GRM2: variants seen among roughly 807,000 people sequenced by gnomAD.
GRM2 encodes the protein metabotropic glutamate receptor 2.
In GRM2, 35 loss-of-function variants were observed where a neutral mutation model predicts 60.4. The ratio of observed to expected loss-of-function variants is 0.58; its 90% CI spans 0.44 to 0.77. The LOEUF (loss-of-function observed/expected upper bound fraction) is 0.77. GRM2 is among the 30% of genes least tolerant of loss of function. GRM2 has a pLI of 0.00. For synonymous variants in GRM2, 437 were observed against 484.1 expected (o/e 0.90, Z 1.28); for missense variants, 925 against 1,199.5 (o/e 0.77, Z 3.38).
At chr3:51,714,982 TC>T in intron 3 of GRM2, 79 bp from the exon 4 acceptor site, 1 of 853,288 alleles carries the variant, frequency 1.2e-6, no homozygotes, top group Non-Finnish European at 1.8e-6. Context: ...GCATTTGGGT[TC>T]CATGTTAGGG....
rs748943012 is a variant in GRM2 at position 51,709,011 on chromosome 3, C to G, written c.28C>G (p.Leu10Val). 9 of 1,588,738 alleles carry G rather than the reference C, an allele frequency of 5.7e-6. No homozygotes were observed. Among genetic ancestry groups the G allele is most frequent in the Middle Eastern group, 3.5e-4 (2 of 5,648 alleles). Residue 10 changes from leucine to valine, a missense_variant, in exon 2 of 6, where the codon CTG (leucine) becomes GTG (valine). By Grantham distance (32) the Leu-to-Val change is conservative. Coordinates refer to ENST00000395052, the MANE Select transcript of GRM2 (RefSeq NM_000839.5). ...GGGATCGCTGCTTGCGCTCCTGGCA[C>G]TGCTGCTGCTGTGGGGTGCTGTGGC... is the stretch of plus-strand genomic sequence containing the variant. Reference protein sequence around the residue: MGSLLALLALLLLWGAVAEG... With the variant: MGSLLALLAVLLLWGAVAEG...
chr3:51,709,422 G>A lies in GRM2; in HGVS notation c.439G>A (p.Val147Ile). Residue 147 changes from valine (V) to isoleucine (I), a missense_variant, in exon 2 of 6, where the codon GTC becomes ATC. Val to Ile is a conservative substitution (Grantham distance 29). Coordinates refer to ENST00000395052, the MANE Select transcript of GRM2 (RefSeq NM_000839.5). Reference protein sequence around the residue: ...TGVIGGSYSDVSIQVANLLRL... With the variant: ...TGVIGGSYSDISIQVANLLRL... ...TGTTATTGGCGGTTCCTACAGTGAT[G>A]TCTCCATCCAGGTACGTGGAAGCCA... The A allele has an allele frequency of 1.9e-6, 3 of 1,550,928 alleles. No homozygotes were observed. The highest frequency in any genetic ancestry group is 2.6e-6 in the Non-Finnish European group (3 of 1,138,492).
At position 51,716,749 on chromosome 3, in the gene GRM2, G is replaced by T. The variant is rs1404995490; in HGVS notation, c.2364+612G>T. On this transcript the variant is annotated intron_variant, in intron 4 of 5. Coordinates refer to ENST00000395052, the MANE Select transcript of GRM2 (RefSeq NM_000839.5). This position sits in a 1 kb window ranked among gnomAD's most constrained non-coding sequence, Gnocchi z 4.0. The stretch of plus-strand genomic sequence containing the variant: ...TTATCTTGGTTAATCTTCATAACTT[G>T]AGTAAGCTCCATGGCTCTCCCGTTT... Among the ~76,000 whole-genome samples, 1 of 152,198 alleles carries T rather than the reference G, an allele frequency of 6.6e-6. No individual in the cohort carries two copies. Among genetic ancestry groups the T allele is most frequent in the Non-Finnish European group, 1.5e-5 (1 of 68,042 alleles).
Position 51,713,500 on chromosome 3 carries a change from A to G in GRM2, c.1288+190A>G. On this transcript the variant is annotated intron_variant, in intron 3 of 5. Transcript: ENST00000395052. This position sits in a 1 kb window ranked among gnomAD's most constrained non-coding sequence, Gnocchi z 4.8. ...CAACTGAAGCTACGGCTGAGGTTCC[A>G]CTTTCTTCCAGAGAGTAGACCTCTG... is the stretch of plus-strand genomic sequence containing the variant. 1.7e-6 allele frequency: 1 copy of G among 585,982 alleles called. No homozygotes were observed. Among genetic ancestry groups the G allele is most frequent in the Non-Finnish European group, 3.0e-6 (1 of 329,880 alleles). 36.3% of individuals were successfully genotyped at this position (585,982 alleles called of 1,614,324 possible).
At position 51,708,980 on chromosome 3, in the gene GRM2, G is replaced by A; in HGVS notation, c.-4G>A. The A allele has an allele frequency of 1.3e-6, 2 of 1,564,474 alleles. No individual in the cohort carries two copies. Among genetic ancestry groups the A allele is most frequent in the Non-Finnish European group, 1.7e-6 (2 of 1,149,964 alleles). On this transcript the variant is annotated 5_prime_UTR_variant, in exon 2 of 6. Coordinates refer to ENST00000395052, the MANE Select transcript of GRM2 (RefSeq NM_000839.5). ...TGCGGGACCCATCCATCCCCTTTGG[G>A]GCCATGGGATCGCTGCTTGCGCTCC...
In GRM2 at chr3:51,712,552, G is replaced by A. The variant is rs748682242; in HGVS notation, c.530G>A (p.Arg177His). The change falls in exon 3 of 6, where the codon CGC becomes CAC. Residue 177 changes from arginine (R) to histidine (H), a missense_variant. By Grantham distance (29) the Arg-to-His change is conservative (BLOSUM62 0). Coordinates refer to ENST00000395052, the MANE Select transcript of GRM2 (RefSeq NM_000839.5). This position sits in a 1 kb window ranked among gnomAD's most constrained non-coding sequence, Gnocchi z 5.3. ...STSAKLSDKSRYDYFARTVPP... is the reference protein window; with the variant it reads ...STSAKLSDKSHYDYFARTVPP... ...AGTGCCAAGCTGAGTGACAAGTCCC[G>A]CTATGACTACTTTGCCCGCACAGTG... 7.4e-6 allele frequency: 12 copies of A among 1,614,126 alleles called. No individual in the cohort carries two copies. The highest frequency in any genetic ancestry group is 2.2e-5 in the East Asian group (1 of 44,888).
chr3:51,715,452 A>G lies in GRM2; in HGVS notation c.1679A>G (p.Tyr560Cys). ...GGCTGCTTCGAACTGCCCCAGGAGT[A>G]CATCCGCTGGGGCGATGCCTGGGCT... ...LTGCFELPQE[Y>C]IRWGDAWAVG... The change falls in exon 4 of 6, where the codon TAC becomes TGC. Residue 560 changes from tyrosine (Y) to cysteine (C), a missense_variant. Physicochemically the swap from Tyr to Cys is radical, Grantham distance 194. Coordinates refer to ENST00000395052, the MANE Select transcript of GRM2 (RefSeq NM_000839.5). The surrounding 1 kb of genome is among the most constrained non-coding windows in gnomAD (Gnocchi z 9.0). 2 of 1,612,850 alleles carry G rather than the reference A, an allele frequency of 1.2e-6. No homozygotes were observed. Among genetic ancestry groups the G allele is most frequent in the Non-Finnish European group, 1.7e-6 (2 of 1,179,822 alleles).
intron 3 of GRM2, chr3:51,714,266 T>C (rs552879619): frequency 5.8e-5 from 12 of 207,140 alleles, no homozygotes; most frequent in African/African-American, 2.8e-4. Context: ...AGGGCTAGAG[T>C]TGGATTTTGA....
At position 51,717,639 on chromosome 3, in the gene GRM2, A is replaced by G; in HGVS notation, c.2367A>G (p.Val789=). Reference sequence around the variant, plus strand: ...GTTCACCCACTCACCCACCGCAGGTACAGACCACCACCATGTGCGTGTCAG... The same window carrying G: ...GTTCACCCACTCACCCACCGCAGGTGCAGACCACCACCATGTGCGTGTCAG... ...IFYVTSSDYR[V]QTTTMCVSVS... The change falls in exon 5 of 6, where the codon GTA becomes GTG. Residue 789 remains valine (V), a splice_region_variant and synonymous_variant. Transcript: ENST00000395052. The surrounding 1 kb of genome is among the most constrained non-coding windows in gnomAD (Gnocchi z 6.0). 6.2e-7 allele frequency: 1 copy of G among 1,612,856 alleles called. No individual in the cohort carries two copies. Among genetic ancestry groups the G allele is most frequent in the Non-Finnish European group, 8.5e-7 (1 of 1,179,616 alleles).
chr3:51,712,981 C>G lies in GRM2; in HGVS notation c.959C>G (p.Ala320Gly), dbSNP rs750679418. The G allele has an allele frequency of 6.2e-7, 1 of 1,613,274 alleles. No homozygotes were observed. Among genetic ancestry groups the G allele is most frequent in the Admixed American group, 1.7e-5 (1 of 60,030 alleles). The change falls in exon 3 of 6, where the codon GCC becomes GGC. Residue 320 changes from alanine to glycine, a missense_variant. Ala to Gly is a moderately conservative substitution (Grantham distance 60). Transcript: ENST00000395052. This position sits in a 1 kb window ranked among gnomAD's most constrained non-coding sequence, Gnocchi z 5.3. ...GAGGGTGCTATCACCATCGAGCTGG[C>G]CTCCTACCCCATCAGTGACTTTGCC... ...AAEGAITIEL[A>G]SYPISDFASY...
In GRM2 at chr3:51,716,121, C is replaced by T; in HGVS notation, c.2348C>T (p.Thr783Ile). The T allele has an allele frequency of 1.9e-6, 3 of 1,611,888 alleles. No individual in the cohort carries two copies. The highest frequency in any genetic ancestry group is 1.7e-6 in the Non-Finnish European group (2 of 1,177,928). The change falls in exon 4 of 6, where the codon ACC (threonine) becomes ATC (isoleucine). Residue 783 changes from threonine to isoleucine, a missense_variant. Thr to Ile is a moderately conservative substitution (Grantham distance 89). Transcript: ENST00000395052. The surrounding 1 kb of genome is among the most constrained non-coding windows in gnomAD (Gnocchi z 4.0). ...GCATTCCTGCCCATCTTCTATGTCA[C>T]CTCCAGTGACTACCGGGTGAGCTAC... ...WLAFLPIFYVTSSDYRVQTTT... is the reference protein window; with the variant it reads ...WLAFLPIFYVISSDYRVQTTT...
Position 51,713,745 on chromosome 3 carries a change from T to C in GRM2, c.1288+435T>C. 1 of 183,376 alleles carries C rather than the reference T, an allele frequency of 5.5e-6. No homozygotes were observed. Among genetic ancestry groups the C allele is most frequent in the Non-Finnish European group, 1.1e-5 (1 of 92,906 alleles). The allele number at this position is 183,376 out of a possible 1,614,324, so 11.4% of individuals were successfully genotyped here. A position where few individuals can be genotyped will look rare whatever the true frequency, so the allele number is the denominator to read the frequency against. Reference sequence around the variant, plus strand: ...TCTTTCTTTTTTCTTTTCTTTCTTTTTTCTTTCTTTCTTTCTTTCTTTCTT... The same window carrying C: ...TCTTTCTTTTTTCTTTTCTTTCTTTCTTCTTTCTTTCTTTCTTTCTTTCTT... On this transcript the variant is annotated intron_variant, in intron 3 of 5. Coordinates refer to ENST00000395052, the MANE Select transcript of GRM2 (RefSeq NM_000839.5). The surrounding 1 kb of genome is among the most constrained non-coding windows in gnomAD (Gnocchi z 4.8).
In GRM2 at chr3:51,713,657, A is replaced by G. The variant is rs148310590; in HGVS notation, c.1288+347A>G. 230 of 338,834 alleles carry G rather than the reference A, an allele frequency of 6.8e-4. No individual in the cohort carries two copies. The highest frequency in any genetic ancestry group is 4.3e-3 in the African/African-American group (203 of 47,666). The allele number at this position is 338,834 out of a possible 1,614,324, so 21.0% of individuals were successfully genotyped here. A position where few individuals can be genotyped will look rare whatever the true frequency, so the allele number is the denominator to read the frequency against. Reference sequence around the variant, plus strand: ...TTCTCAGGCAGCACCAAGAGTTAGAATCAGTCTGGCTTGAGGGTGAGCATC... The same window carrying G: ...TTCTCAGGCAGCACCAAGAGTTAGAGTCAGTCTGGCTTGAGGGTGAGCATC... On this transcript the variant is annotated intron_variant, in intron 3 of 5. Coordinates refer to ENST00000395052, the MANE Select transcript of GRM2 (RefSeq NM_000839.5). The surrounding 1 kb of genome is among the most constrained non-coding windows in gnomAD (Gnocchi z 4.8).
intron 2 of GRM2, chr3:51,711,143 C>G (rs1266637517): frequency 6.6e-6 from 1 of 152,290 alleles, no homozygotes; most frequent in Non-Finnish European, 1.5e-5. Context: ...AGTGGATTAT[C>G]TGTCCTGCTA....
chr3:51,717,889 T>A lies in GRM2; in HGVS notation c.2545+72T>A, dbSNP rs938428365. ...CAGCTCCTTGGGTTGCTGAGATCTCTTGTCTGGGGGTGAGGTGCCCCCCAA... is the reference window on the plus strand; with the variant it reads ...CAGCTCCTTGGGTTGCTGAGATCTCATGTCTGGGGGTGAGGTGCCCCCCAA... On this transcript the variant is annotated intron_variant, in intron 5 of 5. Coordinates refer to ENST00000395052, the MANE Select transcript of GRM2 (RefSeq NM_000839.5). This position sits in a 1 kb window ranked among gnomAD's most constrained non-coding sequence, Gnocchi z 6.0. 7 of 1,513,438 alleles carry A rather than the reference T, an allele frequency of 4.6e-6. No homozygotes were observed. The highest frequency in any genetic ancestry group is 1.4e-5 in the African/African-American group (1 of 73,032). 93.8% of individuals were successfully genotyped at this position (1,513,438 alleles called of 1,614,324 possible). A position where few individuals can be genotyped will look rare whatever the true frequency, so the allele number is the denominator to read the frequency against.
intron 1 of GRM2, chr3:51,708,062 A>T (rs1451604194): frequency 6.6e-6 from 1 of 152,090 alleles, no homozygotes; most frequent in Non-Finnish European, 1.5e-5. Context: ...AATCTCAAGC[A>T]GTGTTCTACA....
intron 1 of GRM2, chr3:51,708,079 TAG>T (rs1384847105): frequency 1.3e-5 from 2 of 152,022 alleles, no homozygotes; most frequent in Admixed American, 6.5e-5. Flanking sequence ...TACACAGAGC[TAG>T]AGAGTCCCGC....
In GRM2 at chr3:51,718,216, C is replaced by T; in HGVS notation, c.*104C>T. ...GCTGGAGCACTGCAATAATTTATTA[C>T]CCACCCTATGTCTGCCCCCAAAGTC... On this transcript the variant is annotated 3_prime_UTR_variant, in exon 6 of 6. Transcript: ENST00000395052. The surrounding 1 kb of genome is among the most constrained non-coding windows in gnomAD (Gnocchi z 4.2). 7 of 942,450 alleles carry T rather than the reference C, an allele frequency of 7.4e-6. No homozygotes were observed. In the South Asian group the frequency reaches 7.8e-5, roughly 10 times the overall value. 58.4% of individuals were successfully genotyped at this position (942,450 alleles called of 1,614,324 possible). A position where few individuals can be genotyped will look rare whatever the true frequency, so the allele number is the denominator to read the frequency against.
rs1559691461 is a variant in GRM2, at chr3:51,709,282, A to G, written c.299A>G (p.Glu100Gly). 3.1e-6 allele frequency: 5 copies of G among 1,604,652 alleles called. No homozygotes were observed. Among genetic ancestry groups the G allele is most frequent in the East Asian group, 2.2e-5 (1 of 44,600 alleles). The part of the protein sequence containing the change: ...DSCSKDTHAL[E>G]QALDFVRASL... ...TGCTCCAAGGACACACATGCGCTGGAGCAGGCACTGGACTTTGTGCGTGCC... is the reference window on the plus strand; with the variant it reads ...TGCTCCAAGGACACACATGCGCTGGGGCAGGCACTGGACTTTGTGCGTGCC... The change falls in exon 2 of 6, where the codon GAG becomes GGG. Residue 100 changes from glutamate to glycine, a missense_variant. By Grantham distance (98) the Glu-to-Gly change is moderately conservative (BLOSUM62 -2). Transcript: ENST00000395052.
Sources: gnomAD v4.1 joint callset for allele counts (sites outside exome capture counted in the v4.1 genomes callset) on GRCh38, gnomAD v4.1.1 for gene constraint, Gnocchi (gnomAD v3.1) non-coding constraint, MANE v1.5 for transcripts, NCBI Gene and HGNC (gene_info 2026-07-23, HGNC 2026-07-21) for gene names.